CYP2U1: variants seen among roughly 807,000 people sequenced by gnomAD.
The protein encoded by CYP2U1 is cytochrome P450 family 2 subfamily U member 1.
A neutral mutation model predicts 42.8 loss-of-function variants in CYP2U1; 28 were observed. The ratio of observed to expected loss-of-function variants is 0.65; its 90% confidence interval spans 0.48 to 0.90. The LOEUF (loss-of-function observed/expected upper bound fraction) is 0.90. Among genes scored for constraint, CYP2U1 ranks in the 40% least tolerant of loss-of-function variants. The pLI is 0.00. For synonymous variants in CYP2U1, 296 were observed against 278.9 expected, an observed-to-expected ratio of 1.06 and a Z score of -0.61; for missense variants, 642 against 693.8, an observed-to-expected ratio of 0.93 and a Z score of 0.84.
intron 1 of CYP2U1, among the ~76,000 whole-genome samples, chr4:107,944,219 T>C (rs957781191): frequency 1.3e-5 from 2 of 152,202 alleles, no homozygotes; most frequent in Admixed American, 1.3e-4. Flanking sequence ...TGTCAATCTG[T>C]TGCTATAATT....
chr4:107,933,995 A>G (rs1578712110), intron 1 of CYP2U1, among the ~76,000 whole-genome samples: 1 of 152,218 alleles, frequency 6.6e-6, no homozygotes, highest in East Asian at 1.9e-4. Flanking sequence ...ACTTTGGGCT[A>G]TTGTGAATAA....
chr4:107,941,483 C>A (rs557872187), intron 1 of CYP2U1, among the ~76,000 whole-genome samples: 2 of 152,130 alleles, frequency 1.3e-5, no homozygotes, highest in East Asian at 3.8e-4. Context: ...CTTGGACAAA[C>A]ATTCTTCTCA....
chr4:107,950,303 G>C lies in CYP2U1; in HGVS notation c.1515G>C (p.Val505=). ...LAKMELFLMF[V]SLMQSFAFAL... is the part of the protein sequence containing the mutation. ...AGATGGAATTATTCCTAATGTTTGT[G>C]AGCCTAATGCAGAGTTTCGCATTTG... is the stretch of plus-strand genomic sequence containing the variant. Residue 505 remains valine (V), a synonymous_variant, in exon 5 of 5, where the codon GTG becomes GTC. Transcript: ENST00000332884. 1 of 1,613,964 alleles carries C rather than the reference G, an allele frequency of 6.2e-7. No homozygotes were observed. The highest frequency in any genetic ancestry group is 8.5e-7 in the Non-Finnish European group (1 of 1,179,968).
chr4:107,938,417 C>T (rs1733356107), intron 1 of CYP2U1: 1 of 152,202 alleles, frequency 6.6e-6, no homozygotes, highest in African/African-American at 2.4e-5. Context: ...AATCCTTCCC[C>T]AGAATTTCTC....
rs139667669 is a variant in CYP2U1, at chr4:107,931,574, C to A, written c.-70C>A. On this transcript the variant is annotated 5_prime_UTR_variant, in exon 1 of 5. Coordinates refer to ENST00000332884, the MANE Select transcript of CYP2U1 (RefSeq NM_183075.3). The stretch of plus-strand genomic sequence containing the variant: ...AGAGCAGAGCAGGACACTGGCGCCG[C>A]GGGTCAGGCAGCTGCGTGCGCGTCT... 2 of 1,212,540 alleles carry A rather than the reference C, an allele frequency of 1.6e-6. No homozygotes were observed. The highest frequency in any genetic ancestry group is 1.6e-5 in the African/African-American group (1 of 63,696). 75.1% of individuals were successfully genotyped at this position (1,212,540 alleles called of 1,614,324 possible).
In CYP2U1 at chr4:107,945,552, C is replaced by T; in HGVS notation, c.1073C>T (p.Thr358Ile). The T allele has an allele frequency of 6.2e-6, 10 of 1,610,066 alleles. No homozygotes were observed. The highest frequency in any genetic ancestry group is 8.5e-6 in the Non-Finnish European group (10 of 1,177,346). Residue 358 changes from threonine (T) to isoleucine (I), a missense_variant, in exon 2 of 5, where the codon ACT becomes ATT. By Grantham distance (89) the Thr-to-Ile change is moderately conservative. Coordinates refer to ENST00000332884, the MANE Select transcript of CYP2U1 (RefSeq NM_183075.3). Reference sequence around the variant, plus strand: ...TTTATTGCTGGGACTGATACCACAACTAACTCTTTGCTCTGGTGCCTGCTG... The same window carrying T: ...TTTATTGCTGGGACTGATACCACAATTAACTCTTTGCTCTGGTGCCTGCTG... Reference protein sequence around the residue: ...DLFIAGTDTTTNSLLWCLLYM... With the variant: ...DLFIAGTDTTINSLLWCLLYM...
Position 107,945,510 on chromosome 4 carries a change from A to T in CYP2U1, c.1031A>T (p.Tyr344Phe), listed in dbSNP as rs1733668793. 1.2e-6 allele frequency: 2 copies of T among 1,613,948 alleles called. No individual in the cohort carries two copies. Among genetic ancestry groups the T allele is most frequent in the Non-Finnish European group, 1.7e-6 (2 of 1,180,014 alleles). ...AGTTTTGATGAAGAGTACTTATTTT[A>T]TATCATTGGGGATCTCTTTATTGCT... The part of the protein sequence containing the change: ...NSSFDEEYLF[Y>F]IIGDLFIAGT... The change falls in exon 2 of 5, where the codon TAT (tyrosine) becomes TTT (phenylalanine). Residue 344 changes from tyrosine (Y) to phenylalanine (F), a missense_variant. Physicochemically the swap from Tyr to Phe is conservative, Grantham distance 22. Transcript: ENST00000332884.
Position 107,931,940 on chromosome 4 carries a change from G to T in CYP2U1, c.297G>T (p.Ser99=), listed in dbSNP as rs997228256. 4 of 1,551,294 alleles carry T rather than the reference G, an allele frequency of 2.6e-6. No homozygotes were observed. Among genetic ancestry groups the T allele is most frequent in the Non-Finnish European group, 3.5e-6 (4 of 1,147,054 alleles). ...CCAGGGCCGCAGGGATTGATCCCTC[G>T]GTCATAGGCCCGCAGGTGCTCCTGG... ...SRTRAAGIDP[S]VIGPQVLLAH... is the part of the protein sequence containing the mutation. Residue 99 remains serine (S), a synonymous_variant, in exon 1 of 5, where the codon TCG becomes TCT. Coordinates refer to ENST00000332884, the MANE Select transcript of CYP2U1 (RefSeq NM_183075.3).
In CYP2U1 at chr4:107,948,216, T is replaced by G. The variant is rs1404927153; in HGVS notation, c.1288+679T>G. ...CTGGGAGGTTGCAGTGAGCTGAGAT[T>G]GCACCACTGCACTCTAGCCTGGGTG... is the stretch of plus-strand genomic sequence containing the variant. On this transcript the variant is annotated intron_variant, in intron 3 of 4. Coordinates refer to ENST00000332884, the MANE Select transcript of CYP2U1 (RefSeq NM_183075.3). Among the ~76,000 whole-genome samples the G allele has an allele frequency of 5.1e-5, 7 of 137,160 alleles. No individual in the cohort carries two copies. In the Admixed American group the frequency reaches 5.3e-4, roughly 10 times the overall value. The allele number at this position is 137,160 out of a possible 152,430, so 90.0% of individuals were successfully genotyped here.
chr4:107,940,749 A>G (rs1030015452), intron 1 of CYP2U1: 1 of 152,174 alleles, frequency 6.6e-6, no homozygotes, highest in Non-Finnish European at 1.5e-5. Flanking sequence ...TTAAAAATGT[A>G]AGAGTGAACA....
intron 2 of CYP2U1, among the ~76,000 whole-genome samples, chr4:107,946,175 GA>G (rs533799848): frequency 6.3e-4 from 96 of 152,270 alleles, no homozygotes; most frequent in African/African-American, 2.1e-3. Flanking sequence ...TGTCTCATTG[GA>G]CTGAAAATCA....
chr4:107,931,571 C>CCG lies in CYP2U1; in HGVS notation c.-70_-69dup. 3.3e-6 allele frequency: 4 copies of CCG among 1,211,404 alleles called. No individual in the cohort carries two copies. Among genetic ancestry groups the CCG allele is most frequent in the Non-Finnish European group, 4.1e-6 (4 of 973,956 alleles). 75.0% of individuals were successfully genotyped at this position (1,211,404 alleles called of 1,614,324 possible). A position where few individuals can be genotyped will look rare whatever the true frequency, so the allele number is the denominator to read the frequency against. Reference sequence around the variant, plus strand: ...TCCAGAGCAGAGCAGGACACTGGCGCCGCGGGTCAGGCAGCTGCGTGCGCG... The same window carrying CCG: ...TCCAGAGCAGAGCAGGACACTGGCGCCGCGCGGGTCAGGCAGCTGCGTGCGCG... On this transcript the variant is annotated 5_prime_UTR_variant, in exon 1 of 5. Coordinates refer to ENST00000332884, the MANE Select transcript of CYP2U1 (RefSeq NM_183075.3).
At position 107,944,233 on chromosome 4, in the gene CYP2U1, CTT is replaced by C. The variant is rs528486455; in HGVS notation, c.491-736_491-735del. ...ATGTCAATCTGTTGCTATAATTATC[CTT>C]CAGTTCAGAATGTTTAGAATATAGG... On this transcript the variant is annotated intron_variant, in intron 1 of 4. Transcript: ENST00000332884. Among the ~76,000 whole-genome samples the C allele has an allele frequency of 7.0e-4, 107 of 152,236 alleles. 2 individuals carry two copies. The South Asian group carries it at 0.018, about 26-fold the overall frequency.
chr4:107,950,661 A>G lies in CYP2U1; in HGVS notation c.*238A>G. The stretch of plus-strand genomic sequence containing the variant: ...TTGGGGGATAGAAAACAAAGTACCT[A>G]TGAAACGGGATATCTGGATTTTACT... On this transcript the variant is annotated 3_prime_UTR_variant, in exon 5 of 5. Coordinates refer to ENST00000332884, the MANE Select transcript of CYP2U1 (RefSeq NM_183075.3). 3 of 371,822 alleles carry G rather than the reference A, an allele frequency of 8.1e-6. No individual in the cohort carries two copies. Among genetic ancestry groups the G allele is most frequent in the Non-Finnish European group, 9.6e-6 (2 of 208,000 alleles). 23.0% of individuals were successfully genotyped at this position (371,822 alleles called of 1,614,324 possible). A position where few individuals can be genotyped will look rare whatever the true frequency, so the allele number is the denominator to read the frequency against.
At chr4:107,948,299 C>G (rs564444051) in intron 3 of CYP2U1, among the ~76,000 whole-genome samples, 3 of 146,628 alleles carry the variant, frequency 2.0e-5, no homozygotes, top group African/African-American at 7.6e-5. Context: ...TGCGGTGGCT[C>G]ACACCTGTAA....
At position 107,950,263 on chromosome 4, in the gene CYP2U1, G is replaced by A; in HGVS notation, c.1475G>A (p.Gly492Glu). 2 of 1,612,516 alleles carry A rather than the reference G, an allele frequency of 1.2e-6. No individual in the cohort carries two copies. Among genetic ancestry groups the A allele is most frequent in the Non-Finnish European group, 1.7e-6 (2 of 1,179,372 alleles). Residue 492 changes from glycine (G) to glutamate (E), a missense_variant, in exon 5 of 5, where the codon GGA (glycine) becomes GAA (glutamate). Coordinates refer to ENST00000332884, the MANE Select transcript of CYP2U1 (RefSeq NM_183075.3). Reference sequence around the variant, plus strand: ...TTTTTAGGGAAGCGGGTGTGTATGGGAGAACAACTGGCAAAGATGGAATTA... The same window carrying A: ...TTTTTAGGGAAGCGGGTGTGTATGGAAGAACAACTGGCAAAGATGGAATTA... ...PFGIGKRVCM[G>E]EQLAKMELFL...
At chr4:107,946,529 TG>T (rs1733702234) in intron 2 of CYP2U1, among the ~76,000 whole-genome samples, 1 of 151,418 alleles carries the variant, frequency 6.6e-6, no homozygotes, top group South Asian at 2.1e-4. Context: ...GTGTACATCT[TG>T]TATGGGCCCG....
At chr4:107,935,987 A>G (rs1733247273) in intron 1 of CYP2U1, 1 of 152,252 alleles carries the variant, frequency 6.6e-6, no homozygotes, top group Non-Finnish European at 1.5e-5. Context: ...TTCATAACGC[A>G]AAGAGAGGCT....
At position 107,949,608 on chromosome 4, in the gene CYP2U1, T is replaced by A. The variant is rs76210762; in HGVS notation, c.1456+91T>A. 187,409 of 1,169,108 alleles carry A rather than the reference T, an allele frequency of 0.16. 16,682 individuals carry two copies. The highest frequency in any genetic ancestry group is 0.18 in the Non-Finnish European group (158,185 of 881,422). 72.4% of individuals were successfully genotyped at this position (1,169,108 alleles called of 1,614,324 possible). A position where few individuals can be genotyped will look rare whatever the true frequency, so the allele number is the denominator to read the frequency against. On this transcript the variant is annotated intron_variant, in intron 4 of 4. Coordinates refer to ENST00000332884, the MANE Select transcript of CYP2U1 (RefSeq NM_183075.3). The stretch of plus-strand genomic sequence containing the variant: ...TTTCATGTTGTTTTAAAAATGTTTC[T>A]TTCTTGGCAAGCTAATATAAGAGAA...
Sources: allele counts gnomAD v4.1 joint callset (sites outside exome capture counted in the v4.1 genomes callset), GRCh38; gene constraint gnomAD v4.1.1; transcripts MANE v1.5; gene names NCBI Gene and HGNC (gene_info 2026-07-23, HGNC 2026-07-21).